Variants in SLC4A4 observed in about 807,000 individuals in gnomAD.
The protein encoded by SLC4A4 is solute carrier family 4 member 4.
A neutral mutation model predicts 111.5 loss-of-function variants in SLC4A4; 27 were observed. The observed-to-expected ratio is 0.24, with a 90% CI of 0.18 to 0.33. SLC4A4 has a LOEUF of 0.33. SLC4A4 is among the 10% of genes least tolerant of loss of function. The probability of loss-of-function intolerance (pLI) is 1.00; values close to 1 mark genes in which losing one functional copy is unlikely to be tolerated. For synonymous variants in SLC4A4, 443 were observed against 463.4 expected (o/e 0.96, Z 0.57); for missense variants, 909 against 1,315.5 (o/e 0.69, Z 4.78).
At chr4:71,103,354 C>G (rs1276245655) in intron 2 of SLC4A4, among the ~76,000 whole-genome samples, 2 of 152,134 alleles carry the variant, frequency 1.3e-5, no homozygotes, top group Admixed American at 1.3e-4. Flanking sequence ...CAACATTAGA[C>G]AGATCAACGA....
intron 11 of SLC4A4, 44 bp from the exon 12 acceptor site, chr4:71,453,451 A>G: frequency 2.6e-6 from 4 of 1,559,810 alleles, no homozygotes; most frequent in Non-Finnish European, 3.5e-6. Flanking sequence ...ATTTGATGGT[A>G]ATTTACTTTA....
At chr4:71,420,668 G>T (rs1413988209) in intron 7 of SLC4A4, among the ~76,000 whole-genome samples, 4 of 152,010 alleles carry the variant, frequency 2.6e-5, no homozygotes, top group Admixed American at 2.6e-4. Context: ...AGAAGAGAGT[G>T]GGGGCCAATA....
At chr4:71,103,600 A>G (rs1742826175) in intron 2 of SLC4A4, among the ~76,000 whole-genome samples, 1 of 152,196 alleles carries the variant, frequency 6.6e-6, no homozygotes, top group Admixed American at 6.5e-5. Flanking sequence ...TCAAACTAGA[A>G]CTCAGAATTA....
intron 16 of SLC4A4, among the ~76,000 whole-genome samples, chr4:71,520,139 A>G (rs1732795732): frequency 6.6e-6 from 1 of 152,224 alleles, no homozygotes; most frequent in Non-Finnish European, 1.5e-5. Flanking sequence ...TGTGGAAACA[A>G]TCAAGGCTAT....
intron 14 of SLC4A4, among the ~76,000 whole-genome samples, chr4:71,477,264 A>G (rs932335931): frequency 6.6e-6 from 1 of 151,752 alleles, no homozygotes; most frequent in Non-Finnish European, 1.5e-5. Flanking sequence ...TATGCAAAAT[A>G]GTTTGGCACC....
intron 1 of SLC4A4, among the ~76,000 whole-genome samples, chr4:71,089,270 G>T (rs1224154195): frequency 6.6e-6 from 1 of 151,976 alleles, no homozygotes; most frequent in East Asian, 1.9e-4. Context: ...AGACTTCTCT[G>T]CATTGGTTAT....
At chr4:71,532,744 T>C (rs1578129583) in intron 17 of SLC4A4, among the ~76,000 whole-genome samples, 1 of 152,104 alleles carries the variant, frequency 6.6e-6, no homozygotes, top group East Asian at 1.9e-4. Context: ...TTTTATAAAG[T>C]TAAGATTGAA....
At chr4:71,470,104 A>G (rs1266500476) in intron 13 of SLC4A4, among the ~76,000 whole-genome samples, 2 of 152,068 alleles carry the variant, frequency 1.3e-5, no homozygotes, top group African/African-American at 4.8e-5. Context: ...TTGTCTCAGA[A>G]GTAACAGAAC....
rs998926616 is a variant in SLC4A4, at chr4:71,357,309, A to G, written c.730+122A>G. 1.6e-5 allele frequency: 15 copies of G among 941,428 alleles called. No individual in the cohort carries two copies. The East Asian group carries it at 2.9e-4, about 19-fold the overall frequency. The allele number at this position is 941,428 out of a possible 1,614,324, so 58.3% of individuals were successfully genotyped here. ...TTTTCTTTTCTTGAGTTCATATGCCATAGTCATTTCATATTGACATTTTTA... is the reference window on the plus strand; with the variant it reads ...TTTTCTTTTCTTGAGTTCATATGCCGTAGTCATTTCATATTGACATTTTTA... On this transcript the variant is annotated intron_variant, in intron 6 of 25. Coordinates refer to ENST00000264485, the MANE Select transcript of SLC4A4 (RefSeq NM_001098484.3).
intron 2 of SLC4A4, among the ~76,000 whole-genome samples, chr4:71,172,130 GTTAC>G (rs1245376352): frequency 6.6e-6 from 1 of 152,220 alleles, no homozygotes; most frequent in South Asian, 2.1e-4. Flanking sequence ...TTGGATCAAA[GTTAC>G]TTAAACACTT....
At chr4:71,230,548 G>A (rs1473571482) in intron 1 of SLC4A4, among the ~76,000 whole-genome samples, 1 of 152,232 alleles carries the variant, frequency 6.6e-6, no homozygotes, top group Non-Finnish European at 1.5e-5. Context: ...TGAGGATAAA[G>A]TGGGATGAGT....
chr4:71,093,224 C>T (rs914344832), intron 2 of SLC4A4, among the ~76,000 whole-genome samples: 2 of 151,612 alleles, frequency 1.3e-5, no homozygotes, highest in Admixed American at 6.6e-5. Context: ...CTGGAGTGCA[C>T]TGGCGTCATC....
At position 71,546,581 on chromosome 4, in the gene SLC4A4, A is replaced by G; in HGVS notation, c.2621+53A>G. The G allele has an allele frequency of 4.1e-6, 6 of 1,460,056 alleles. No individual in the cohort carries two copies. In the South Asian group the frequency reaches 5.8e-5, roughly 14 times the overall value. 90.4% of individuals were successfully genotyped at this position (1,460,056 alleles called of 1,614,324 possible). On this transcript the variant is annotated intron_variant, in intron 19 of 25. Transcript: ENST00000264485. ...CCGAAAACACACTGTGCACACATCT[A>G]TGTGGCAATCATAAGGATATGGGCA... is the stretch of plus-strand genomic sequence containing the variant.
intron 2 of SLC4A4, among the ~76,000 whole-genome samples, chr4:71,175,713 A>C (rs1039231919): frequency 6.6e-6 from 1 of 152,196 alleles, no homozygotes; most frequent in African/African-American, 2.4e-5. Flanking sequence ...ACTGCAGCTC[A>C]AGGAGGCCTG....
At chr4:71,522,075 T>C (rs1434646472) in intron 16 of SLC4A4, among the ~76,000 whole-genome samples, 1 of 152,186 alleles carries the variant, frequency 6.6e-6, no homozygotes, top group Non-Finnish European at 1.5e-5. Context: ...TATTAGACAG[T>C]TCTACAGAGC....
chr4:71,236,547 C>T (rs1231716162), intron 1 of SLC4A4, 29 bp from the exon 2 acceptor site: 1 of 1,597,778 alleles, frequency 6.3e-7, no homozygotes, highest in Admixed American at 1.7e-5. Context: ...GAAGTCTGAG[C>T]ATTCTTTTTT....
At chr4:71,098,991 C>A (rs1465158737) in intron 2 of SLC4A4, among the ~76,000 whole-genome samples, 1 of 152,132 alleles carries the variant, frequency 6.6e-6, no homozygotes, top group African/African-American at 2.4e-5. Flanking sequence ...GAAACTTAGA[C>A]TCCCACACAA....
chr4:71,310,246 T>A (rs577639960), intron 3 of SLC4A4, among the ~76,000 whole-genome samples: 1 of 151,926 alleles, frequency 6.6e-6, no homozygotes, highest in South Asian at 2.1e-4. Context: ...TGGAACCAAA[T>A]TGGAAAACAT....
intron 7 of SLC4A4, among the ~76,000 whole-genome samples, chr4:71,413,115 T>C (rs987341646): frequency 2.0e-5 from 3 of 152,208 alleles, no homozygotes; most frequent in Admixed American, 6.5e-5. Context: ...TCCTTTTTTC[T>C]GCTTCTTCAG....
Sources: allele counts gnomAD v4.1 joint callset (sites outside exome capture counted in the v4.1 genomes callset), GRCh38; gene constraint gnomAD v4.1.1; transcripts MANE v1.5; gene names NCBI Gene and HGNC (gene_info 2026-07-23, HGNC 2026-07-21).